Variants in BRI3 observed in about 807,000 individuals in gnomAD.
BRI3 encodes the protein brain protein I3, also known as membrane protein BRI3.
A neutral mutation model predicts 12.8 loss-of-function variants in BRI3; 6 were observed. The observed-to-expected ratio is 0.47, with a 90% CI of 0.26 to 0.93. The LOEUF is 0.93. BRI3 is among the 40% of genes least tolerant of loss of function. The pLI, the probability that BRI3 is intolerant of heterozygous loss-of-function variation, is 0.15. For synonymous variants in BRI3, 91 were observed against 76.1 expected (o/e 1.20, Z -1.02); for missense variants, 134 against 171.1 (o/e 0.78, Z 1.21).
chr7:98,282,202 C>A, intron 1 of BRI3, 149 bp from the exon 2 acceptor site: 1 of 835,770 alleles, frequency 1.2e-6, no homozygotes, highest in Non-Finnish European at 1.8e-6. Context: ...CAGATTAGCG[C>A]CGAATCAGGC....
chr7:98,312,201 C>T (rs1800900383), downstream of BRI3: 1 of 1,614,144 alleles, frequency 6.2e-7, no homozygotes, highest in Non-Finnish European at 8.5e-7. Flanking sequence ...TTCTCTGGCA[C>T]TTTGATGGCA....
chr7:98,291,509 T>C lies in BRI3; in HGVS notation c.*266T>C. The C allele has an allele frequency of 7.9e-7, 1 of 1,267,416 alleles. No individual in the cohort carries two copies. The highest frequency in any genetic ancestry group is 1.0e-6 in the Non-Finnish European group (1 of 999,998). 78.5% of individuals were successfully genotyped at this position (1,267,416 alleles called of 1,614,324 possible). A position where few individuals can be genotyped will look rare whatever the true frequency, so the allele number is the denominator to read the frequency against. ...GGTGAGAAATAATGTTTTCAATAAATGAGATTCATACCATTGTTGACCTGG... is the reference window on the plus strand; with the variant it reads ...GGTGAGAAATAATGTTTTCAATAAACGAGATTCATACCATTGTTGACCTGG... On this transcript the variant is annotated 3_prime_UTR_variant, in exon 3 of 3. Coordinates refer to ENST00000297290, the MANE Select transcript of BRI3 (RefSeq NM_015379.5).
At chr7:98,293,988 G>T, downstream of BRI3, 2 of 1,459,626 alleles carry the variant, frequency 1.4e-6, no homozygotes, top group Non-Finnish European at 1.9e-6. Flanking sequence ...TGGACCCCCT[G>T]GGCTGGGCAC....
chr7:98,310,387 G>A, exon 2 of BRI3: 1 of 1,524,188 alleles, frequency 6.6e-7, no homozygotes, highest in Non-Finnish European at 8.9e-7. Context: ...TTATTTCACA[G>A]CTTATCTTAA....
downstream of BRI3, among the ~76,000 whole-genome samples, chr7:98,313,984 T>C (rs1309575495): frequency 9.1e-6 from 1 of 109,604 alleles, no homozygotes; most frequent in Non-Finnish European, 1.9e-5. Flanking sequence ...TTTTCTTCCT[T>C]TTTTTTTTTT....
At chr7:98,286,946 G>T (rs963958443) in intron 2 of BRI3, among the ~76,000 whole-genome samples, 2 of 152,246 alleles carry the variant, frequency 1.3e-5, no homozygotes, top group Non-Finnish European at 2.9e-5. Flanking sequence ...GGGTACGGCT[G>T]TGGAATCCTG....
chr7:98,304,655 C>T (rs1800566361), upstream of BRI3, among the ~76,000 whole-genome samples: 2 of 152,086 alleles, frequency 1.3e-5, no homozygotes. Flanking sequence ...TTAAGTGATT[C>T]TTCTGCTTCA....
exon 2 of BRI3, chr7:98,308,302 C>T (rs1484171960): frequency 2.2e-6 from 1 of 462,570 alleles, no homozygotes; most frequent in East Asian, 6.8e-5. Context: ...AACCCAACTG[C>T]CAATGTCCAC....
chr7:98,305,033 TTTTTTTG>T (rs1350908045), upstream of BRI3, among the ~76,000 whole-genome samples: 244 of 130,786 alleles, frequency 1.9e-3, 1 homozygote, highest in Non-Finnish European at 2.8e-3. Flanking sequence ...GCCCAGCTAA[TTTTTTTG>T]TTTTTTGTTT....
At chr7:98,304,399 C>T (rs1275962682), upstream of BRI3, 1 of 1,612,334 alleles carries the variant, frequency 6.2e-7, no homozygotes, top group Admixed American at 1.7e-5. Flanking sequence ...AAGGACACAG[C>T]ACGTGTTAGA....
chr7:98,301,611 C>G (rs977633309), upstream of BRI3, among the ~76,000 whole-genome samples: 1 of 152,024 alleles, frequency 6.6e-6, no homozygotes, highest in Non-Finnish European at 1.5e-5. Context: ...GCCACCGTGC[C>G]CGGCCAAGCC....
At chr7:98,296,206 C>T (rs530956172), downstream of BRI3, among the ~76,000 whole-genome samples, 10 of 152,328 alleles carry the variant, frequency 6.6e-5, no homozygotes, top group East Asian at 1.9e-4. Flanking sequence ...GGGATGGTCA[C>T]GGAGGTGGGC....
chr7:98,288,791 G>GGAGGGGGGT (rs2116728679), intron 2 of BRI3, among the ~76,000 whole-genome samples: 1 of 89,064 alleles, frequency 1.1e-5, no homozygotes, highest in East Asian at 2.7e-4. Flanking sequence ...TGTAGGGAGG[G>GGAGGGGGGT]GTCTTTGTTG....
At chr7:98,304,138 C>T, upstream of BRI3, 1 of 1,480,768 alleles carries the variant, frequency 6.8e-7, no homozygotes, top group South Asian at 1.3e-5. Flanking sequence ...GGACCTGCGC[C>T]TCCCAGTCGG....
At chr7:98,288,224 T>C (rs1194068531) in intron 2 of BRI3, among the ~76,000 whole-genome samples, 1 of 152,144 alleles carries the variant, frequency 6.6e-6, no homozygotes, top group Admixed American at 6.5e-5. Context: ...GGCCACTGGC[T>C]CCCTCCAGCT....
At chr7:98,291,593 T>C (rs1799958223), downstream of BRI3, 6 of 1,017,868 alleles carry the variant, frequency 5.9e-6, no homozygotes, top group Non-Finnish European at 6.0e-6. Flanking sequence ...CCCCCATCGC[T>C]CCCCCGGCCA....
the BRI3 span, among the ~76,000 whole-genome samples, chr7:98,317,561 C>T: frequency 6.6e-6 from 1 of 151,666 alleles, no homozygotes; most frequent in South Asian, 2.1e-4. Flanking sequence ...CCACACTTCG[C>T]ACCATCCTCA....
downstream of BRI3, among the ~76,000 whole-genome samples, chr7:98,297,824 G>T (rs1423796428): frequency 6.6e-6 from 1 of 152,248 alleles, no homozygotes; most frequent in Non-Finnish European, 1.5e-5. Flanking sequence ...CCACGTGAGG[G>T]CGCGCTGTGA....
chr7:98,293,689 C>A, downstream of BRI3: 1 of 1,282,054 alleles, frequency 7.8e-7, no homozygotes, highest in South Asian at 1.2e-5. Flanking sequence ...CCCTGTGAGA[C>A]TGGGCGGCTG....
Sources: allele counts gnomAD v4.1 joint callset (sites outside exome capture counted in the v4.1 genomes callset), GRCh38; gene constraint gnomAD v4.1.1; transcripts MANE v1.5; gene names NCBI Gene and HGNC (gene_info 2026-07-23, HGNC 2026-07-21).